LIMK2: variants seen among roughly 807,000 people sequenced by gnomAD.
LIMK2 encodes LIM domain kinase 2.
In LIMK2, 35 loss-of-function variants were observed where a neutral mutation model predicts 75.7. That is an observed-to-expected ratio of 0.46 (90% CI 0.35 to 0.61). The LOEUF (loss-of-function observed/expected upper bound fraction) is 0.61, where lower values mean the gene tolerates loss of function less well. Ranked by LOEUF, LIMK2 falls within the 20% of genes least tolerant of loss-of-function variation. The probability of loss-of-function intolerance (pLI) is 0.00; values close to 1 mark genes in which losing one functional copy is unlikely to be tolerated. For missense variants in LIMK2, 623 were observed against 831.0 expected (o/e 0.75, Z 3.08); for synonymous variants, 301 against 319.2 (o/e 0.94, Z 0.61).
chr22:31,267,499 T>C (rs1408327872), intron 9 of LIMK2, among the ~76,000 whole-genome samples: 2 of 152,288 alleles, frequency 1.3e-5, no homozygotes, highest in East Asian at 3.9e-4. Flanking sequence ...GTAACTTAAG[T>C]TGGGGACACC....
intron 3 of LIMK2, 77 bp downstream of exon 3, chr22:31,258,503 T>A (rs1407098355): frequency 6.8e-7 from 1 of 1,478,636 alleles, no homozygotes; most frequent in Non-Finnish European, 9.3e-7. Flanking sequence ...CTGTGGCCTG[T>A]TAATCTTTTA....
intron 2 of LIMK2, among the ~76,000 whole-genome samples, chr22:31,236,456 A>C (rs2048575498): frequency 6.6e-6 from 1 of 151,448 alleles, no homozygotes; most frequent in African/African-American, 2.4e-5. Flanking sequence ...AAAAAATCAA[A>C]AATTTAGCCA....
In LIMK2 at chr22:31,262,268, A is replaced by G; in HGVS notation, c.657+29A>G. On this transcript the variant is annotated intron_variant, in intron 6 of 15. Coordinates refer to ENST00000331728, the MANE Select transcript of LIMK2 (RefSeq NM_005569.4). This position sits in a 1 kb window ranked among gnomAD's most constrained non-coding sequence, Gnocchi z 5.0. ...GAGTGTGTGTCTAATCTGTCTTGTGAGGGTGGGACATGGAACAGATCCTCT... is the reference window on the plus strand; with the variant it reads ...GAGTGTGTGTCTAATCTGTCTTGTGGGGGTGGGACATGGAACAGATCCTCT... 1 of 1,514,022 alleles carries G rather than the reference A, an allele frequency of 6.6e-7. No individual in the cohort carries two copies. Among genetic ancestry groups the G allele is most frequent in the Non-Finnish European group, 9.2e-7 (1 of 1,088,592 alleles). The allele number at this position is 1,514,022 out of a possible 1,614,324, so 93.8% of individuals were successfully genotyped here. A position where few individuals can be genotyped will look rare whatever the true frequency, so the allele number is the denominator to read the frequency against.
At chr22:31,277,767 A>G (rs1250882577) in intron 15 of LIMK2, 1 of 156,190 alleles carries the variant, frequency 6.4e-6, no homozygotes, top group Non-Finnish European at 1.4e-5. Flanking sequence ...AGTAGATACA[A>G]TAAGTAAACT....
chr22:31,276,601 G>A (rs917685713), intron 15 of LIMK2, among the ~76,000 whole-genome samples: 2 of 146,256 alleles, frequency 1.4e-5, no homozygotes, highest in Non-Finnish European at 3.0e-5. Flanking sequence ...CCGCGGAGCC[G>A]GCGAGCTAAC....
In LIMK2 at chr22:31,266,131, A is replaced by T; in HGVS notation, c.1040A>T (p.Lys347Met). ...AAGGGCTTCTTTGGGCAGGCTATCA[A>T]GGTGAGCGCAGGCAACAATTGCTTT... ...LGKGFFGQAI[K>M]VTHKATGKVM... The change falls in exon 8 of 16, where the codon AAG becomes ATG. Residue 347 changes from lysine to methionine, a missense_variant and splice_region_variant. By Grantham distance (95) the Lys-to-Met change is moderately conservative. Around this residue, in one of 3 missense-constraint regions of LIMK2, gnomAD observed 514 missense variants for 661.3 expected, o/e 0.78. Coordinates refer to ENST00000331728, the MANE Select transcript of LIMK2 (RefSeq NM_005569.4). The T allele has an allele frequency of 6.2e-7, 1 of 1,614,052 alleles. No individual in the cohort carries two copies. Among genetic ancestry groups the T allele is most frequent in the Non-Finnish European group, 8.5e-7 (1 of 1,179,936 alleles).
At chr22:31,272,945 C>T in intron 13 of LIMK2, 1 of 1,269,610 alleles carries the variant, frequency 7.9e-7, no homozygotes, top group Non-Finnish European at 9.9e-7. Flanking sequence ...ATTTGTGCCT[C>T]AGGGATCGCT....
chr22:31,223,455 T>C (rs775947891), intron 1 of LIMK2, among the ~76,000 whole-genome samples: 1 of 152,024 alleles, frequency 6.6e-6, no homozygotes, highest in Non-Finnish European at 1.5e-5. Flanking sequence ...AATTTTGGGT[T>C]AAAAAGTAAA....
rs1373592440 is a variant in LIMK2 at position 31,225,788 on chromosome 22, G to A, written c.85G>A (p.Val29Ile). 6.2e-7 allele frequency: 1 copy of A among 1,614,050 alleles called. No individual in the cohort carries two copies. The highest frequency in any genetic ancestry group is 8.5e-7 in the Non-Finnish European group (1 of 1,179,920). Residue 29 changes from valine (V) to isoleucine (I), a missense_variant, in exon 2 of 16, where the codon GTC (valine) becomes ATC (isoleucine). Coordinates refer to ENST00000331728, the MANE Select transcript of LIMK2 (RefSeq NM_005569.4). Reference sequence around the variant, plus strand: ...TCCAAGCCAGATATGGTACAGGACTGTCAACGAAACCTGGCACGGCTCTTG... The same window carrying A: ...TCCAAGCCAGATATGGTACAGGACTATCAACGAAACCTGGCACGGCTCTTG... ...IAPSQIWYRT[V>I]NETWHGSCFR...
intron 2 of LIMK2, among the ~76,000 whole-genome samples, chr22:31,241,156 GA>G (rs1305976424): frequency 6.6e-6 from 1 of 152,202 alleles, no homozygotes; most frequent in African/African-American, 2.4e-5. Context: ...TGGGACTCAG[GA>G]ATCTTGATTT....
chr22:31,246,185 A>ACACG (rs2048668198), intron 2 of LIMK2, among the ~76,000 whole-genome samples: 1 of 76,498 alleles, frequency 1.3e-5, no homozygotes, highest in Non-Finnish European at 2.1e-5. Context: ...GCACGCACGC[A>ACACG]CACACACACA....
rs1481182006 is a variant in LIMK2 at position 31,212,330 on chromosome 22, G to A, written c.-79G>A. On this transcript the variant is annotated 5_prime_UTR_variant, in exon 1 of 16. Coordinates refer to ENST00000331728, the MANE Select transcript of LIMK2 (RefSeq NM_005569.4). The stretch of plus-strand genomic sequence containing the variant: ...CGCGCCTGAGGCGGCGGCGGCAGGA[G>A]CTGAGGGGAGTTGTAGGGAACTGAG... 5.4e-6 allele frequency: 7 copies of A among 1,295,050 alleles called. No individual in the cohort carries two copies. Among genetic ancestry groups the A allele is most frequent in the Admixed American group, 3.3e-5 (1 of 30,130 alleles). The allele number at this position is 1,295,050 out of a possible 1,614,324, so 80.2% of individuals were successfully genotyped here.
chr22:31,232,120 A>C (rs913566270), intron 2 of LIMK2, among the ~76,000 whole-genome samples: 2 of 152,054 alleles, frequency 1.3e-5, no homozygotes, highest in Non-Finnish European at 2.9e-5. Flanking sequence ...TGGCCAGTGC[A>C]ACCCCCATTT....
chr22:31,223,920 G>A (rs974422113), intron 1 of LIMK2, among the ~76,000 whole-genome samples: 2 of 152,216 alleles, frequency 1.3e-5, no homozygotes, highest in Non-Finnish European at 2.9e-5. Context: ...GGGGAACGAG[G>A]GGGACAACTG....
At chr22:31,220,003 G>T (rs887737953) in intron 1 of LIMK2, among the ~76,000 whole-genome samples, 1 of 152,212 alleles carries the variant, frequency 6.6e-6, no homozygotes, top group Non-Finnish European at 1.5e-5. Context: ...TTCCCAGGCT[G>T]ACTGGACTTT....
chr22:31,238,130 A>C (rs865838273), intron 2 of LIMK2, among the ~76,000 whole-genome samples: 14 of 151,688 alleles, frequency 9.2e-5, no homozygotes, highest in South Asian at 4.2e-4. Context: ...AAAAAAAAAA[A>C]AACCAAAACC....
intron 15 of LIMK2, chr22:31,277,531 C>A: frequency 9.9e-7 from 1 of 1,011,142 alleles, no homozygotes; most frequent in Admixed American, 5.4e-5. Context: ...TCAGTAACAC[C>A]AGTGTAAAAG....
chr22:31,248,731 G>A, intron 2 of LIMK2: 1 of 1,614,184 alleles, frequency 6.2e-7, no homozygotes, highest in Non-Finnish European at 8.5e-7. Context: ...GGAGTTACTT[G>A]TCAGTCCCGG....
chr22:31,245,066 A>G (rs1469803971), intron 2 of LIMK2, among the ~76,000 whole-genome samples: 1 of 152,220 alleles, frequency 6.6e-6, no homozygotes, highest in Non-Finnish European at 1.5e-5. Context: ...GCTGCAAGCA[A>G]TGTTTAATAC....
Sources: gnomAD v4.1 joint callset for allele counts (sites outside exome capture counted in the v4.1 genomes callset) on GRCh38, gnomAD v4.1.1 for gene constraint, gnomAD v4.1.1 regional missense constraint, Gnocchi (gnomAD v3.1) non-coding constraint, MANE v1.5 for transcripts, NCBI Gene and HGNC (gene_info 2026-07-23, HGNC 2026-07-21) for gene names.